The following VAT1L variants were observed in gnomAD, a reference collection of about 807,000 sequenced individuals.
VAT1L encodes the protein vesicle amine transport 1 like, also known as putative NADPH-dependent quinone oxidoreductase VAT1L.
In VAT1L, 34 loss-of-function variants were observed where a neutral mutation model predicts 44.1. That is an observed-to-expected ratio of 0.77 (90% CI 0.59 to 1.03). The LOEUF (loss-of-function observed/expected upper bound fraction) is 1.03, where lower values mean the gene tolerates loss of function less well. Among genes scored for constraint, VAT1L ranks in the 50% least tolerant of loss-of-function variants. The pLI, the probability that VAT1L is intolerant of heterozygous loss-of-function variation, is 0.00. For missense variants in VAT1L, 615 were observed against 538.8 expected (o/e 1.14, Z -1.40); for synonymous variants, 253 against 202.2 (o/e 1.25, Z -2.13).
At chr16:77,872,856 C>G (rs1349511648) in intron 4 of VAT1L, among the ~76,000 whole-genome samples, 1 of 152,192 alleles carries the variant, frequency 6.6e-6, no homozygotes, top group Non-Finnish European at 1.5e-5. Flanking sequence ...TGCACAGTGC[C>G]TAGCATGTAG....
intron 1 of VAT1L, among the ~76,000 whole-genome samples, chr16:77,795,018 C>G (rs768815999): frequency 6.6e-6 from 1 of 152,144 alleles, no homozygotes; most frequent in Non-Finnish European, 1.5e-5. Context: ...AGTGATTCTT[C>G]TATCTCATGA....
chr16:77,878,758 G>A (rs114684563), intron 5 of VAT1L, among the ~76,000 whole-genome samples: 252 of 152,184 alleles, frequency 1.7e-3, no homozygotes, highest in African/African-American at 5.7e-3. Flanking sequence ...ACCCAGTCCA[G>A]GTCAGAGCCC....
chr16:77,838,310 C>G (rs17717673), intron 3 of VAT1L, among the ~76,000 whole-genome samples: 8,075 of 152,190 alleles, frequency 0.053, 278 homozygotes, highest in East Asian at 0.12. Context: ...AAAATCAGTT[C>G]AGTTGGGAAA....
chr16:77,870,319 T>G (rs945817429), intron 4 of VAT1L, among the ~76,000 whole-genome samples: 13 of 152,194 alleles, frequency 8.5e-5, no homozygotes, highest in African/African-American at 3.1e-4. Context: ...CTGTGATGGT[T>G]AAAGCTGTGG....
intron 7 of VAT1L, among the ~76,000 whole-genome samples, chr16:77,926,311 G>A (rs181851921): frequency 1.4e-3 from 205 of 151,712 alleles, no homozygotes; most frequent in African/African-American, 4.0e-3. Context: ...GGCCAGGCAC[G>A]GTGGTGCACA....
chr16:77,929,846 A>G lies in VAT1L; in HGVS notation c.1078-42004A>G, dbSNP rs866822624. Among the ~76,000 whole-genome samples, 3 of 152,330 alleles carry G rather than the reference A, an allele frequency of 2.0e-5. No homozygotes were observed. In the South Asian group the frequency reaches 6.2e-4, roughly 32 times the overall value. ...TATCGGAAGTTAGCACAGTAACTCA[A>G]AAACTGCCCTCTGGCTGGGTGTGTA... On this transcript the variant is annotated intron_variant, in intron 7 of 8. Coordinates refer to ENST00000302536, the MANE Select transcript of VAT1L (RefSeq NM_020927.3).
intron 7 of VAT1L, among the ~76,000 whole-genome samples, chr16:77,944,633 C>T (rs2017936507): frequency 6.6e-6 from 1 of 152,148 alleles, no homozygotes; most frequent in African/African-American, 2.4e-5. Flanking sequence ...GCCAGTTAGC[C>T]AGTTACTGCT....
At chr16:77,835,729 C>T (rs1217938692) in intron 3 of VAT1L, among the ~76,000 whole-genome samples, 2 of 152,000 alleles carry the variant, frequency 1.3e-5, no homozygotes, top group Non-Finnish European at 2.9e-5. Flanking sequence ...AAAAATTAGC[C>T]AGGCGTGGTG....
At chr16:77,916,393 C>T (rs746421646) in intron 7 of VAT1L, among the ~76,000 whole-genome samples, 1 of 152,188 alleles carries the variant, frequency 6.6e-6, no homozygotes, top group Non-Finnish European at 1.5e-5. Context: ...GTAGCTGTAT[C>T]GTTGTGAAGC....
intron 7 of VAT1L, among the ~76,000 whole-genome samples, chr16:77,916,336 G>C (rs894469632): frequency 6.6e-6 from 1 of 152,136 alleles, no homozygotes; most frequent in African/African-American, 2.4e-5. Flanking sequence ...TGGCGCAAGG[G>C]GCTCAGGTTC....
chr16:77,977,737 A>G lies in VAT1L; in HGVS notation c.*42A>G, dbSNP rs572256945. ...GAGAATGTGAAGGATGGTTTGGAAGATGAGGACCCGGCTGAGAAAACTCTT... is the reference window on the plus strand; with the variant it reads ...GAGAATGTGAAGGATGGTTTGGAAGGTGAGGACCCGGCTGAGAAAACTCTT... On this transcript the variant is annotated 3_prime_UTR_variant, in exon 9 of 9. Transcript: ENST00000302536. The G allele has an allele frequency of 2.5e-6, 4 of 1,587,530 alleles. No individual in the cohort carries two copies. The highest frequency in any genetic ancestry group is 3.4e-6 in the Non-Finnish European group (4 of 1,161,352).
At chr16:77,923,037 A>G (rs1015185381) in intron 7 of VAT1L, among the ~76,000 whole-genome samples, 3 of 152,210 alleles carry the variant, frequency 2.0e-5, no homozygotes. Flanking sequence ...GTTCCTTGCC[A>G]CAGTGGTGGG....
At chr16:77,838,418 C>T (rs1303258723) in intron 3 of VAT1L, among the ~76,000 whole-genome samples, 3 of 152,200 alleles carry the variant, frequency 2.0e-5, no homozygotes, top group African/African-American at 2.4e-5. Context: ...CCCCCCATCA[C>T]CCAGGCTGGC....
chr16:77,793,267 G>A (rs966143565), intron 1 of VAT1L, among the ~76,000 whole-genome samples: 7 of 151,904 alleles, frequency 4.6e-5, no homozygotes, highest in East Asian at 1.9e-4. Flanking sequence ...ATGTGCCACC[G>A]TGCCCAGCTA....
At chr16:77,905,474 G>A (rs2017428162) in intron 7 of VAT1L, among the ~76,000 whole-genome samples, 1 of 152,078 alleles carries the variant, frequency 6.6e-6, no homozygotes, top group Admixed American at 6.6e-5. Context: ...ACATAGAGTA[G>A]CCTCGCCACC....
Position 77,971,870 on chromosome 16 carries a change from G to A in VAT1L, c.1098G>A (p.Arg366=). The change falls in exon 8 of 9, where the codon CGG becomes CGA. Residue 366 remains arginine, a synonymous_variant. Transcript: ENST00000302536. ...ALEEVKEAMQ[R]IHDRGNIGKL... ...CGCAGGTGAAGGAGGCCATGCAGCG[G>A]ATTCACGACCGAGGGAACATTGGCA... 2 of 1,613,886 alleles carry A rather than the reference G, an allele frequency of 1.2e-6. No homozygotes were observed. Among genetic ancestry groups the A allele is most frequent in the South Asian group, 2.2e-5 (2 of 91,052 alleles).
chr16:77,910,443 C>T (rs145286909), intron 7 of VAT1L, among the ~76,000 whole-genome samples: 3,590 of 152,054 alleles, frequency 0.024, 137 homozygotes, highest in African/African-American at 0.081. Context: ...GAGGCCGAGG[C>T]GGGCGAATCA....
In VAT1L at chr16:77,788,814, G is replaced by C. The variant is rs772088377; in HGVS notation, c.132G>C (p.Ala44=). 5.7e-6 allele frequency: 9 copies of C among 1,576,962 alleles called. No individual in the cohort carries two copies. Among genetic ancestry groups the C allele is most frequent in the African/African-American group, 2.7e-5 (2 of 74,472 alleles). ...TCGGGGACGCCCAGGAGATGCGCGCGGTGGTGCTGGCTGGCTTCGGGGGGC... is the reference window on the plus strand; with the variant it reads ...TCGGGGACGCCCAGGAGATGCGCGCCGTGGTGCTGGCTGGCTTCGGGGGGC... ...HRLGDAQEMR[A]VVLAGFGGLN... Residue 44 remains alanine (A), a synonymous_variant, in exon 1 of 9, where the codon GCG becomes GCC. Transcript: ENST00000302536.
intron 3 of VAT1L, among the ~76,000 whole-genome samples, chr16:77,859,571 T>C (rs1156464002): frequency 1.3e-5 from 2 of 152,148 alleles, no homozygotes; most frequent in Non-Finnish European, 2.9e-5. Context: ...ATGTTCAGTG[T>C]TGTGTTTGAG....
Sources: allele counts gnomAD v4.1 joint callset (sites outside exome capture counted in the v4.1 genomes callset), GRCh38; gene constraint gnomAD v4.1.1; transcripts MANE v1.5; gene names NCBI Gene and HGNC (gene_info 2026-07-23, HGNC 2026-07-21).